The following CACNA1C variants were observed in gnomAD, a reference collection of about 807,000 sequenced individuals.
The protein encoded by CACNA1C is calcium voltage-gated channel subunit alpha1 C, also known as voltage-dependent L-type calcium channel subunit alpha-1C.
A neutral mutation model predicts 229.0 loss-of-function variants in CACNA1C; 30 were observed. That is an observed-to-expected ratio of 0.13 (90% CI 0.10 to 0.18). The LOEUF (loss-of-function observed/expected upper bound fraction) is 0.18. Ranked by LOEUF, CACNA1C falls within the 10% of genes least tolerant of loss-of-function variation. The pLI is 1.00. For missense variants in CACNA1C, 1,658 were observed against 2,845.0 expected, an observed-to-expected ratio of 0.58 and a Z score of 9.49; for synonymous variants, 1,114 against 1,132.5, an observed-to-expected ratio of 0.98 and a Z score of 0.33.
At chr12:2,263,644 G>C (rs1376153688) in intron 3 of CACNA1C, among the ~76,000 whole-genome samples, 1 of 152,090 alleles carries the variant, frequency 6.6e-6, no homozygotes, top group African/African-American at 2.4e-5. Context: ...GAAGTTGCTA[G>C]ATCCTTGATA....
intron 1 of CACNA1C, among the ~76,000 whole-genome samples, chr12:2,056,585 TAAG>T (rs2055014369): frequency 6.6e-6 from 1 of 152,212 alleles, no homozygotes; most frequent in Non-Finnish European, 1.5e-5. Context: ...TTCAGCAGAA[TAAG>T]AATCACTGTA....
At chr12:2,535,171 C>T (rs576034379) in intron 9 of CACNA1C, among the ~76,000 whole-genome samples, 4 of 152,092 alleles carry the variant, frequency 2.6e-5, no homozygotes, top group Admixed American at 6.5e-5. Context: ...GGGCAGATCA[C>T]GAGGTCAGGA....
At chr12:2,437,814 T>TGGTGGTGGTAA (rs2099151693) in intron 3 of CACNA1C, among the ~76,000 whole-genome samples, 1 of 150,552 alleles carries the variant, frequency 6.6e-6, no homozygotes, top group African/African-American at 2.4e-5. Context: ...GTGATGATGG[T>TGGTGGTGGTAA]GGTGGTGGTA....
intron 29 of CACNA1C, among the ~76,000 whole-genome samples, chr12:2,627,271 C>T (rs1199893207): frequency 6.6e-6 from 1 of 152,192 alleles, no homozygotes; most frequent in Non-Finnish European, 1.5e-5. Flanking sequence ...TATGCCTTCT[C>T]CATTAGGTGC....
Position 2,633,515 on chromosome 12 carries a change from C to T in CACNA1C, c.3829-782C>T. 1.4e-6 allele frequency: 1 copy of T among 738,082 alleles called. No individual in the cohort carries two copies. The allele number at this position is 738,082 out of a possible 1,614,324, so 45.7% of individuals were successfully genotyped here. A position where few individuals can be genotyped will look rare whatever the true frequency, so the allele number is the denominator to read the frequency against. ...CTGGCCATGGTGAGGGCGTCCGGAA[C>T]TCCAGAGGCAACACGGAGGTGCCTG... On this transcript the variant is annotated intron_variant, in intron 29 of 46. Transcript: ENST00000399655. This position sits in a 1 kb window ranked among gnomAD's most constrained non-coding sequence, Gnocchi z 5.8.
intron 9 of CACNA1C, among the ~76,000 whole-genome samples, chr12:2,543,702 A>G (rs1194203310): frequency 6.6e-6 from 1 of 152,238 alleles, no homozygotes; most frequent in African/African-American, 2.4e-5. Flanking sequence ...ACTTATGTGA[A>G]CCATCCAGGG....
rs2099666987 is a variant in CACNA1C, at chr12:2,479,976, G to A, written c.758-6128G>A. Among the ~76,000 whole-genome samples the A allele has an allele frequency of 6.6e-6, 1 of 152,158 alleles. No homozygotes were observed. Among genetic ancestry groups the A allele is most frequent in the African/African-American group, 2.4e-5 (1 of 41,434 alleles). On this transcript the variant is annotated intron_variant, in intron 5 of 46. Coordinates refer to ENST00000399655, the MANE Select transcript of CACNA1C (RefSeq NM_000719.7). The surrounding 1 kb of genome is among the most constrained non-coding windows in gnomAD (Gnocchi z 4.3). ...AGTAGAGGACCCCTGGCCTAATGCT[G>A]TCCTTCCCCTGCCCCTCTGTGGCAC...
At chr12:2,160,597 C>G (rs900064433) in intron 3 of CACNA1C, among the ~76,000 whole-genome samples, 1 of 152,166 alleles carries the variant, frequency 6.6e-6, no homozygotes, top group Non-Finnish European at 1.5e-5. Context: ...AGGAAAAATA[C>G]TATGACCCAT....
At chr12:2,561,547 T>C (rs2047501098) in intron 11 of CACNA1C, among the ~76,000 whole-genome samples, 2 of 152,204 alleles carry the variant, frequency 1.3e-5, no homozygotes, top group Admixed American at 1.3e-4. Flanking sequence ...ACTAGAAGCA[T>C]GCATCGTGGA....
chr12:2,283,089 T>G (rs2091843184), intron 3 of CACNA1C, among the ~76,000 whole-genome samples: 1 of 152,020 alleles, frequency 6.6e-6, no homozygotes, highest in African/African-American at 2.4e-5. Flanking sequence ...TTGAATTTAA[T>G]CTACACAAGG....
intron 3 of CACNA1C, among the ~76,000 whole-genome samples, chr12:2,284,584 T>G (rs1431830587): frequency 6.6e-6 from 1 of 152,068 alleles, no homozygotes; most frequent in Non-Finnish European, 1.5e-5. Context: ...GGATCAGAAT[T>G]AAAAAGAAAA....
Position 2,147,966 on chromosome 12 carries a change from A to G in CACNA1C, c.477+27536A>G, listed in dbSNP as rs192873474. Among the ~76,000 whole-genome samples the G allele has an allele frequency of 2.0e-5, 3 of 151,472 alleles. No individual in the cohort carries two copies. The East Asian group carries it at 5.8e-4, about 29-fold the overall frequency. ...ACAGGAGGATGCTAGGAATGGGAAT[A>G]CAGAATATTTATGCAACTTCTAGGC... On this transcript the variant is annotated intron_variant, in intron 3 of 46. Transcript: ENST00000399655.
In CACNA1C at chr12:2,679,707, C is replaced by T. The variant is rs778209358; in HGVS notation, c.5355C>T (p.Pro1785=). 6.2e-7 allele frequency: 1 copy of T among 1,610,342 alleles called. No individual in the cohort carries two copies. The highest frequency in any genetic ancestry group is 8.5e-7 in the Non-Finnish European group (1 of 1,178,282). ...GCCTCCCTCGCCCCGCCGGCTACCC[C>T]AGCACGGTCAGCACTGTGGAGGGCC... The part of the protein sequence containing the change: ...LGRLPRPAGY[P]STVSTVEGHG... Residue 1785 remains proline, a synonymous_variant, in exon 42 of 47, where the codon CCC becomes CCT. Transcript: ENST00000399655. This position sits in a 1 kb window ranked among gnomAD's most constrained non-coding sequence, Gnocchi z 5.5.
chr12:2,272,414 TG>T (rs2085476387), intron 3 of CACNA1C, among the ~76,000 whole-genome samples: 1 of 152,232 alleles, frequency 6.6e-6, no homozygotes, highest in Non-Finnish European at 1.5e-5. Flanking sequence ...CTTCCCCGGC[TG>T]GTGTCTGCCT....
chr12:2,238,063 C>A (rs1263854234), intron 3 of CACNA1C, among the ~76,000 whole-genome samples: 1 of 152,172 alleles, frequency 6.6e-6, no homozygotes, highest in Non-Finnish European at 1.5e-5. Context: ...AACAATCCCA[C>A]GGGTGGCAGA....
intron 39 of CACNA1C, chr12:2,676,310 G>C (rs1347311501): frequency 3.9e-5 from 6 of 152,214 alleles, no homozygotes; most frequent in Non-Finnish European, 5.9e-5. Flanking sequence ...CTATTTTGGA[G>C]GGACAGGTAG....
At position 2,566,905 on chromosome 12, in the gene CACNA1C, G is replaced by C. The variant is rs2051272762; in HGVS notation, c.1669+323G>C. Among the ~76,000 whole-genome samples, 1 of 152,212 alleles carries C rather than the reference G, an allele frequency of 6.6e-6. No homozygotes were observed. Among genetic ancestry groups the C allele is most frequent in the Non-Finnish European group, 1.5e-5 (1 of 68,040 alleles). ...CAGACTCCTGGCTGCCAACTCCCCA[G>C]CATGGATTTTAAATACCTGGGGGCC... On this transcript the variant is annotated intron_variant, in intron 12 of 46. Transcript: ENST00000399655. The surrounding 1 kb of genome is among the most constrained non-coding windows in gnomAD (Gnocchi z 4.0).
At chr12:2,333,531 T>C (rs1049849270) in intron 3 of CACNA1C, among the ~76,000 whole-genome samples, 6 of 152,230 alleles carry the variant, frequency 3.9e-5, no homozygotes, top group African/African-American at 1.4e-4. Context: ...GAAGGCAAAC[T>C]GTATGCCTGT....
intron 7 of CACNA1C, among the ~76,000 whole-genome samples, chr12:2,501,230 A>AAAAAAAAAAAAAAAAAAAAAAAC: frequency 6.6e-6 from 1 of 150,968 alleles, no homozygotes; most frequent in Non-Finnish European, 1.5e-5. Context: ...AAAAAAAAAA[A>AAAAAAAAAAAAAAAAAAAAAAAC]AAAAGTAAAG....
Sources: allele counts gnomAD v4.1 joint callset (sites outside exome capture counted in the v4.1 genomes callset), GRCh38; gene constraint gnomAD v4.1.1; non-coding constraint Gnocchi (gnomAD v3.1); transcripts MANE v1.5; gene names NCBI Gene and HGNC (gene_info 2026-07-23, HGNC 2026-07-21).